Variants in GDPD4 observed in about 807,000 individuals in gnomAD.
The protein encoded by GDPD4 is glycerophosphodiester phosphodiesterase 6.
A neutral mutation model predicts 67.8 loss-of-function variants in GDPD4; 60 were observed. The ratio of observed to expected loss-of-function variants is 0.88; its 90% CI spans 0.72 to 1.10. GDPD4 has a LOEUF of 1.10. GDPD4 is among the 50% of genes least tolerant of loss of function. The probability of loss-of-function intolerance (pLI) is 0.00; values close to 1 mark genes in which losing one functional copy is unlikely to be tolerated. For missense variants in GDPD4, 623 were observed against 613.9 expected, an observed-to-expected ratio of 1.01 and a Z score of -0.16; for synonymous variants, 212 against 210.9, an observed-to-expected ratio of 1.00 and a Z score of -0.04.
intron 14 of GDPD4, among the ~76,000 whole-genome samples, chr11:77,229,664 C>T (rs1043382151): frequency 1.3e-5 from 2 of 152,214 alleles, no homozygotes; most frequent in African/African-American, 4.8e-5. Context: ...CTGGGTCTCA[C>T]TAGACACCTA....
At chr11:77,256,840 C>A (rs767616213) in intron 11 of GDPD4, among the ~76,000 whole-genome samples, 1 of 152,188 alleles carries the variant, frequency 6.6e-6, no homozygotes, top group Non-Finnish European at 1.5e-5. Flanking sequence ...AGAAGCCGAG[C>A]AGATGCTGGT....
chr11:77,245,673 A>G (rs575951657), intron 11 of GDPD4, among the ~76,000 whole-genome samples, 171 bp from the exon 12 acceptor site: 1 of 152,324 alleles, frequency 6.6e-6, no homozygotes, highest in East Asian at 1.9e-4. Context: ...TGTAATCATC[A>G]TCAATAATTA....
intron 14 of GDPD4, among the ~76,000 whole-genome samples, chr11:77,231,326 A>G (rs1188027102): frequency 6.6e-6 from 1 of 152,220 alleles, no homozygotes; most frequent in Non-Finnish European, 1.5e-5. Flanking sequence ...GAAGAAACAA[A>G]AAAGCCAAAA....
chr11:77,283,724 T>C lies in GDPD4; in HGVS notation c.53+1361A>G, dbSNP rs185494959. 7.5e-3 allele frequency among the ~76,000 whole-genome samples: 1,144 copies of C among 152,080 alleles called. 21 individuals are homozygous for C. Among genetic ancestry groups the C allele is most frequent in the African/African-American group, 0.026 (1,083 of 41,520 alleles). ...TGTTCTGAAACTAAATGATTCAAAT[T>C]AAAACAAAAAATTTCATCAAGAAAA... On this transcript the variant is annotated intron_variant, in intron 3 of 16. Coordinates refer to ENST00000315938, the MANE Select transcript of GDPD4 (RefSeq NM_182833.3).
chr11:77,248,853 C>G (rs1958832464), intron 11 of GDPD4, among the ~76,000 whole-genome samples: 1 of 150,106 alleles, frequency 6.7e-6, no homozygotes, highest in South Asian at 2.1e-4. Flanking sequence ...TCCCGAGTAG[C>G]TGGGATTACA....
At chr11:77,284,580 G>C (rs1959910193) in intron 3 of GDPD4, among the ~76,000 whole-genome samples, 1 of 152,186 alleles carries the variant, frequency 6.6e-6, no homozygotes, top group South Asian at 2.1e-4. Context: ...AAAGGGCTGG[G>C]AACATTCCAG....
intron 1 of GDPD4, among the ~76,000 whole-genome samples, chr11:77,293,023 C>A (rs1430315447): frequency 6.6e-6 from 1 of 151,806 alleles, no homozygotes; most frequent in Non-Finnish European, 1.5e-5. Context: ...AGAAAAAAAA[C>A]AACAACAACG....
intron 10 of GDPD4, among the ~76,000 whole-genome samples, chr11:77,260,329 G>T (rs2187381): frequency 4.2e-5 from 6 of 142,464 alleles, no homozygotes; most frequent in African/African-American, 1.2e-4. Context: ...GGTCGGGGGA[G>T]GGGGGGGAAT....
chr11:77,223,499 T>C, intron 16 of GDPD4, among the ~76,000 whole-genome samples: 1 of 152,190 alleles, frequency 6.6e-6, no homozygotes, highest in East Asian at 1.9e-4. Flanking sequence ...CAGACCCTGT[T>C]TGCCTGGGTA....
At chr11:77,289,823 A>T (rs1027328955) in intron 1 of GDPD4, among the ~76,000 whole-genome samples, 1 of 51,962 alleles carries the variant, frequency 1.9e-5, no homozygotes, top group Non-Finnish European at 3.5e-5. Context: ...GAAGGAAGGG[A>T]GGGAGGGAGG....
intron 5 of GDPD4, among the ~76,000 whole-genome samples, chr11:77,275,002 A>T (rs1959391961): frequency 6.6e-6 from 1 of 152,318 alleles, no homozygotes; most frequent in Non-Finnish European, 1.5e-5. Context: ...AGTTAGCAAT[A>T]ATTTATAATA....
Position 77,260,975 on chromosome 11 carries a change from G to GA in GDPD4, c.708-2434dup, listed in dbSNP as rs201402747. On this transcript the variant is annotated intron_variant, in intron 10 of 16. Coordinates refer to ENST00000315938, the MANE Select transcript of GDPD4 (RefSeq NM_182833.3). ...AGTCCTAAAAAAGAAGGGAGGTGCAGAAAAAAACATTTCAAAAAGTAAAAC... is the reference window on the plus strand; with the variant it reads ...AGTCCTAAAAAAGAAGGGAGGTGCAGAAAAAAAACATTTCAAAAAGTAAAAC... 1.4e-3 allele frequency among the ~76,000 whole-genome samples: 217 copies of GA among 152,090 alleles called. 5 individuals are homozygous for GA. The East Asian group carries it at 0.039, about 28-fold the overall frequency.
chr11:77,241,258 A>T (rs1958658197), intron 13 of GDPD4, among the ~76,000 whole-genome samples: 2 of 152,216 alleles, frequency 1.3e-5, no homozygotes, highest in South Asian at 4.1e-4. Context: ...TTTAAAAAGA[A>T]GGAAATTCTG....
rs549226757 is a variant in GDPD4, at chr11:77,297,647, T to C, written c.-254+3958A>G. Among the ~76,000 whole-genome samples, 87 of 152,334 alleles carry C rather than the reference T, an allele frequency of 5.7e-4. No homozygotes were observed. In the Middle Eastern group the frequency reaches 0.01, roughly 18 times the overall value. On this transcript the variant is annotated intron_variant, in intron 1 of 16. Transcript: ENST00000315938. Reference sequence around the variant, plus strand: ...TTAGGCAAGTTATGTAAGTATTCTGTACCTCAGTTTTCTCATCTTTAAATG... The same window carrying C: ...TTAGGCAAGTTATGTAAGTATTCTGCACCTCAGTTTTCTCATCTTTAAATG...
At chr11:77,280,766 T>TTC (rs1260166726) in intron 3 of GDPD4, among the ~76,000 whole-genome samples, 2 of 152,218 alleles carry the variant, frequency 1.3e-5, no homozygotes, top group East Asian at 1.9e-4. Flanking sequence ...ATTTGGCTTT[T>TTC]TCTCTCTCTC....
chr11:77,261,229 T>G (rs1250588067), intron 10 of GDPD4, among the ~76,000 whole-genome samples: 1 of 152,072 alleles, frequency 6.6e-6, no homozygotes, highest in Non-Finnish European at 1.5e-5. Context: ...GAAGATGCTT[T>G]GGGCCTAACA....
chr11:77,301,418 G>A (rs1241038907), intron 1 of GDPD4, among the ~76,000 whole-genome samples, 187 bp downstream of exon 1: 2 of 152,080 alleles, frequency 1.3e-5, no homozygotes, highest in African/African-American at 2.4e-5. Context: ...ACACGAAGCC[G>A]CTACTGTCAG....
chr11:77,290,349 T>G (rs983318399), intron 1 of GDPD4, among the ~76,000 whole-genome samples: 1 of 152,174 alleles, frequency 6.6e-6, no homozygotes, highest in African/African-American at 2.4e-5. Context: ...TTCTCCAGGA[T>G]AGACTACATG....
chr11:77,252,038 GTTT>G (rs1255656983), intron 11 of GDPD4, among the ~76,000 whole-genome samples: 1 of 136,892 alleles, frequency 7.3e-6, no homozygotes, highest in African/African-American at 2.7e-5. Context: ...GTCCATTTGG[GTTT>G]TTTTGTTTGT....
Sources: gnomAD v4.1 joint callset for allele counts (sites outside exome capture counted in the v4.1 genomes callset) on GRCh38, gnomAD v4.1.1 for gene constraint, MANE v1.5 for transcripts, NCBI Gene and HGNC (gene_info 2026-07-23, HGNC 2026-07-21) for gene names.